DPP10: variants seen among roughly 807,000 people sequenced by gnomAD.
The protein encoded by DPP10 is inactive dipeptidyl peptidase 10.
DPP10 carries 33 observed loss-of-function variants against 120.9 expected under a neutral mutation model. The ratio of observed to expected loss-of-function variants is 0.27; its 90% CI spans 0.21 to 0.37. The LOEUF (loss-of-function observed/expected upper bound fraction) is 0.37, where lower values mean the gene tolerates loss of function less well. Ranked by LOEUF, DPP10 falls within the 10% of genes least tolerant of loss-of-function variation. DPP10 has a pLI of 1.00. For synonymous variants in DPP10, 337 were observed against 326.1 expected, an observed-to-expected ratio of 1.03 and a Z score of -0.36; for missense variants, 816 against 942.8, an observed-to-expected ratio of 0.87 and a Z score of 1.76.
intron 3 of DPP10, among the ~76,000 whole-genome samples, chr2:115,417,489 T>C (rs2069535778): frequency 6.6e-6 from 1 of 152,224 alleles, no homozygotes; most frequent in African/African-American, 2.4e-5. Context: ...AACATAGTTA[T>C]CATAGTAAAC....
chr2:114,922,956 GGAACC>G (rs1423503128), intron 1 of DPP10, among the ~76,000 whole-genome samples: 1 of 152,016 alleles, frequency 6.6e-6, no homozygotes, highest in African/African-American at 2.4e-5. Flanking sequence ...AACAATATGA[GGAACC>G]ACCAACTCTA....
At chr2:115,779,433 T>C (rs985826234) in intron 15 of DPP10, among the ~76,000 whole-genome samples, 6 of 152,044 alleles carry the variant, frequency 3.9e-5, no homozygotes, top group African/African-American at 1.2e-4. Flanking sequence ...ACTTAATATA[T>C]GGCACTAGGC....
intron 1 of DPP10, among the ~76,000 whole-genome samples, chr2:115,157,335 G>C (rs67137727): frequency 0.11 from 17,012 of 151,202 alleles, 1,218 homozygotes; most frequent in East Asian, 0.21. Context: ...CAGAGAGCAA[G>C]AATGACTCTC....
At chr2:115,674,682 A>G (rs916499832) in intron 5 of DPP10, among the ~76,000 whole-genome samples, 2 of 152,188 alleles carry the variant, frequency 1.3e-5, no homozygotes, top group African/African-American at 4.8e-5. Flanking sequence ...GCCACATGCC[A>G]GTCCAGCTGA....
intron 1 of DPP10, among the ~76,000 whole-genome samples, chr2:115,285,293 C>T: frequency 6.6e-6 from 1 of 151,982 alleles, no homozygotes; most frequent in African/African-American, 2.4e-5. Context: ...TTAACACTTG[C>T]TATTTCATAA....
chr2:115,425,172 A>G (rs2070341798), intron 3 of DPP10, among the ~76,000 whole-genome samples: 1 of 152,178 alleles, frequency 6.6e-6, no homozygotes, highest in Non-Finnish European at 1.5e-5. Flanking sequence ...TTATTTAATA[A>G]TCTAATTGAC....
chr2:114,949,874 C>T (rs1423092558), intron 1 of DPP10, among the ~76,000 whole-genome samples: 1 of 152,124 alleles, frequency 6.6e-6, no homozygotes, highest in Non-Finnish European at 1.5e-5. Flanking sequence ...ATAATCTTTC[C>T]AAGGGTTTTC....
chr2:114,768,406 G>A (rs1028696027), intron 1 of DPP10, among the ~76,000 whole-genome samples: 51 of 152,282 alleles, frequency 3.3e-4, no homozygotes, highest in African/African-American at 1.1e-3. Flanking sequence ...AAATGATCAC[G>A]ACAACAATAA....
rs2061880871 is a variant in DPP10 at position 115,318,038 on chromosome 2, C to T, written c.175+8685C>T. Among the ~76,000 whole-genome samples, 4 of 152,020 alleles carry T rather than the reference C, an allele frequency of 2.6e-5. No homozygotes were observed. In the South Asian group the frequency reaches 8.3e-4, roughly 32 times the overall value. ...CTGCTGAATCCAAGGTCACAAAGATCTGTCTTTTGTTTTTTTTAAATGAGT... is the reference window on the plus strand; with the variant it reads ...CTGCTGAATCCAAGGTCACAAAGATTTGTCTTTTGTTTTTTTTAAATGAGT... On this transcript the variant is annotated intron_variant, in intron 2 of 25. Coordinates refer to ENST00000410059, the MANE Select transcript of DPP10 (RefSeq NM_020868.6).
chr2:115,612,167 C>T (rs149090004), intron 5 of DPP10, among the ~76,000 whole-genome samples: 1 of 152,166 alleles, frequency 6.6e-6, no homozygotes, highest in African/African-American at 2.4e-5. Context: ...ATATGCTCAT[C>T]AGCTTCTAAC....
At chr2:115,799,544 A>G in intron 19 of DPP10, among the ~76,000 whole-genome samples, 1 of 149,104 alleles carries the variant, frequency 6.7e-6, no homozygotes. Context: ...TTAACACGTC[A>G]TTTAGCATTA....
At chr2:115,109,935 TTGA>T (rs1260933020) in intron 1 of DPP10, among the ~76,000 whole-genome samples, 16 of 152,346 alleles carry the variant, frequency 1.1e-4, no homozygotes, top group Middle Eastern at 6.8e-3. Flanking sequence ...GTTTGAGAAT[TTGA>T]TAATTCTCTG....
intron 3 of DPP10, among the ~76,000 whole-genome samples, chr2:115,422,691 CAA>C (rs908861456): frequency 6.6e-6 from 1 of 151,826 alleles, no homozygotes; most frequent in African/African-American, 2.4e-5. Context: ...GAATTGAGAA[CAA>C]AGAGAAAAAA....
chr2:114,753,499 A>G (rs1679427589), intron 1 of DPP10, among the ~76,000 whole-genome samples: 1 of 152,182 alleles, frequency 6.6e-6, no homozygotes. Context: ...TCTCCATATA[A>G]CAATTTTCCT....
intron 1 of DPP10, among the ~76,000 whole-genome samples, chr2:114,997,160 A>G (rs1205506445): frequency 6.6e-6 from 1 of 151,898 alleles, no homozygotes; most frequent in Non-Finnish European, 1.5e-5. Flanking sequence ...TAACTATTAA[A>G]TCACTTATAA....
chr2:114,661,557 C>T (rs147642213), intron 1 of DPP10, among the ~76,000 whole-genome samples: 21 of 152,328 alleles, frequency 1.4e-4, no homozygotes, highest in African/African-American at 5.0e-4. Flanking sequence ...CAAGTCCACA[C>T]AGAGCATTTC....
At chr2:115,595,163 A>G (rs138630864) in intron 5 of DPP10, among the ~76,000 whole-genome samples, 108 of 152,166 alleles carry the variant, frequency 7.1e-4, no homozygotes, top group African/African-American at 2.3e-3. Flanking sequence ...AAGCAAAAAC[A>G]TTTATGCTTT....
At chr2:114,473,544 AATGTAG>A (rs1354896279) in intron 1 of DPP10, among the ~76,000 whole-genome samples, 2 of 152,194 alleles carry the variant, frequency 1.3e-5, no homozygotes, top group Admixed American at 6.5e-5. Context: ...AACCTGAAGA[AATGTAG>A]ATGTAGATGT....
At chr2:115,594,084 A>G (rs1342424449) in intron 5 of DPP10, among the ~76,000 whole-genome samples, 1 of 152,174 alleles carries the variant, frequency 6.6e-6, no homozygotes, top group African/African-American at 2.4e-5. Flanking sequence ...CAAAGTAACC[A>G]TGTAGACAAG....
Sources: allele counts gnomAD v4.1 joint callset (sites outside exome capture counted in the v4.1 genomes callset), GRCh38; gene constraint gnomAD v4.1.1; transcripts MANE v1.5; gene names NCBI Gene and HGNC (gene_info 2026-07-23, HGNC 2026-07-21).